The following SLC7A2 variants were observed in gnomAD, a reference collection of about 807,000 sequenced individuals.
SLC7A2 encodes the protein cationic amino acid transporter 2.
Under a neutral mutation model 58.9 loss-of-function variants are expected in SLC7A2, and 48 were observed. That is an observed-to-expected ratio of 0.82 (90% confidence interval 0.65 to 1.04). The LOEUF is 1.04. Ranked by LOEUF, SLC7A2 falls within the 50% of genes least tolerant of loss-of-function variation. SLC7A2 has a pLI of 0.00. For missense variants in SLC7A2, 1,029 were observed against 818.8 expected, an observed-to-expected ratio of 1.26 and a Z score of -3.13; for synonymous variants, 363 against 314.5, an observed-to-expected ratio of 1.15 and a Z score of -1.63.
intron 1 of SLC7A2, among the ~76,000 whole-genome samples, chr8:17,498,234 T>G (rs1800026445): frequency 6.6e-6 from 1 of 152,218 alleles, no homozygotes; most frequent in Non-Finnish European, 1.5e-5. Context: ...TGAGAGGATA[T>G]CGTCAGATCT....
In SLC7A2 at chr8:17,543,614, G is replaced by A. The variant is rs748022960; in HGVS notation, c.275G>A (p.Arg92His). The change falls in exon 3 of 13, where the codon CGT becomes CAT. Residue 92 changes from arginine to histidine, a missense_variant. Arg to His is a conservative substitution (Grantham distance 29, BLOSUM62 0). Transcript: ENST00000494857. ...CTCTGCTATGCCGAATTTGGGGCCCGTGTTCCCAAGACGGGGTCTGCATAT... is the reference window on the plus strand; with the variant it reads ...CTCTGCTATGCCGAATTTGGGGCCCATGTTCCCAAGACGGGGTCTGCATAT... ...AGLCYAEFGA[R>H]VPKTGSAYLY... 1.4e-5 allele frequency: 22 copies of A among 1,600,362 alleles called. No individual in the cohort carries two copies. In the Middle Eastern group the frequency reaches 6.7e-4, roughly 49 times the overall value.
chr8:17,557,385 TG>T (rs1802756869), intron 8 of SLC7A2, among the ~76,000 whole-genome samples: 1 of 152,206 alleles, frequency 6.6e-6, no homozygotes, highest in Non-Finnish European at 1.5e-5. Context: ...CTTAGTATTT[TG>T]GGATTTGGTA....
rs1274428405 is a variant in SLC7A2, at chr8:17,560,357, C to T, written c.1328C>T (p.Pro443Leu). The change falls in exon 10 of 13, where the codon CCC becomes CTC. Residue 443 changes from proline to leucine, a missense_variant. Transcript: ENST00000494857. ...CAGCCTGGCTTATCTTACGACCAGC[C>T]CAAATGTTCTCCTGAGAAAGATGGT... ...RYQPGLSYDQ[P>L]KCSPEKDGLG... 1 of 1,614,002 alleles carries T rather than the reference C, an allele frequency of 6.2e-7. No homozygotes were observed. Among genetic ancestry groups the T allele is most frequent in the Admixed American group, 1.7e-5 (1 of 59,996 alleles).
intron 1 of SLC7A2, among the ~76,000 whole-genome samples, chr8:17,501,384 A>C (rs748818806): frequency 5.8e-4 from 89 of 152,354 alleles, no homozygotes; most frequent in Non-Finnish European, 1.0e-3. Context: ...CCTCACTGGT[A>C]AGTATAATTA....
At chr8:17,538,935 G>A (rs771272353) in intron 2 of SLC7A2, 85 of 1,599,450 alleles carry the variant, frequency 5.3e-5, no homozygotes, top group Admixed American at 2.1e-4. Flanking sequence ...AAGATTTATT[G>A]TCAGGGCCTG....
intron 2 of SLC7A2, among the ~76,000 whole-genome samples, chr8:17,516,787 T>C (rs915100104): frequency 3.3e-5 from 5 of 152,202 alleles, no homozygotes; most frequent in Non-Finnish European, 5.9e-5. Flanking sequence ...AAAAGATGGT[T>C]TAAGCATTCA....
chr8:17,495,334 G>C (rs896301015), upstream of SLC7A2, among the ~76,000 whole-genome samples: 2 of 152,062 alleles, frequency 1.3e-5, no homozygotes, highest in East Asian at 1.9e-4. Flanking sequence ...TCGCTCCCTT[G>C]AACAACGCCT....
In SLC7A2 at chr8:17,560,241, A is replaced by T. The variant is rs1802900825; in HGVS notation, c.1299-87A>T. The stretch of plus-strand genomic sequence containing the variant: ...ACTCTACACACTATCACTCTGTATG[A>T]TGTCTTACTTAAGGTTTTAGGTGCT... On this transcript the variant is annotated intron_variant, in intron 9 of 12. Transcript: ENST00000494857. 2 of 895,976 alleles carry T rather than the reference A, an allele frequency of 2.2e-6. No individual in the cohort carries two copies. Among genetic ancestry groups the T allele is most frequent in the African/African-American group, 3.3e-5 (2 of 60,622 alleles). 55.5% of individuals were successfully genotyped at this position (895,976 alleles called of 1,614,324 possible).
chr8:17,505,730 C>T (rs17632417), intron 2 of SLC7A2, among the ~76,000 whole-genome samples: 55,487 of 151,964 alleles, frequency 0.37, 10,827 homozygotes, highest in East Asian at 0.58. Context: ...AAAATTGGAG[C>T]ATCTTTAGTG....
In SLC7A2 at chr8:17,512,143, C is replaced by A. The variant is rs6586608; in HGVS notation, c.-23+9841C>A. ...TCCTGTGAGCTCTTAGAACGTATAT[C>A]GTATGTCAGGCTTTAATTCGTGTTT... On this transcript the variant is annotated intron_variant, in intron 2 of 12. Transcript: ENST00000494857. Among the ~76,000 whole-genome samples the A allele has an allele frequency of 4.7e-3, 708 of 151,998 alleles. 6 individuals are homozygous for A. The highest frequency in any genetic ancestry group is 0.016 in the African/African-American group (670 of 41,434).
chr8:17,546,718 G>A lies in SLC7A2; in HGVS notation c.533-1960G>A, dbSNP rs894856138. ...TTACACAGGTAGAAATAAAATTCAA[G>A]TTCTTTCATCTCTGCTTGGAAAAAT... On this transcript the variant is annotated intron_variant, in intron 4 of 12. Coordinates refer to ENST00000494857, the MANE Select transcript of SLC7A2 (RefSeq NM_001370338.1). Among the ~76,000 whole-genome samples the A allele has an allele frequency of 2.6e-5, 4 of 152,086 alleles. No individual in the cohort carries two copies. The South Asian group carries it at 6.2e-4, about 24-fold the overall frequency.
chr8:17,548,872 CCTT>C, intron 5 of SLC7A2, 29 bp downstream of exon 5: 5 of 1,558,926 alleles, frequency 3.2e-6, no homozygotes, highest in Non-Finnish European at 4.4e-6. Context: ...TTTTTTTTCT[CCTT>C]CTTGTTTAAG....
intron 10 of SLC7A2, among the ~76,000 whole-genome samples, chr8:17,561,123 G>A (rs1189585607): frequency 1.3e-5 from 2 of 152,106 alleles, no homozygotes; most frequent in Non-Finnish European, 2.9e-5. Flanking sequence ...TCAGAGATGG[G>A]GTGGTGATGT....
chr8:17,558,473 C>A, intron 9 of SLC7A2, 76 bp downstream of exon 9: 1 of 902,368 alleles, frequency 1.1e-6, no homozygotes, highest in Admixed American at 2.2e-5. Context: ...CCCTCACTCT[C>A]CTGGCTTCCA....
intron 1 of SLC7A2, chr8:17,499,212 T>C (rs570263123): frequency 6.6e-6 from 1 of 152,456 alleles, no homozygotes; most frequent in South Asian, 2.1e-4. Flanking sequence ...CCAGAAGTCC[T>C]CTGGCAACTT....
intron 2 of SLC7A2, among the ~76,000 whole-genome samples, chr8:17,530,414 A>AG (rs1228324789): frequency 2.0e-5 from 3 of 152,172 alleles, no homozygotes; most frequent in Non-Finnish European, 4.4e-5. Flanking sequence ...TAAGGGTAGT[A>AG]GGAGGACAAA....
intron 9 of SLC7A2, 115 bp downstream of exon 9, chr8:17,558,512 G>T (rs1202627738): frequency 3.4e-6 from 2 of 584,802 alleles, no homozygotes; most frequent in East Asian, 5.7e-5. Flanking sequence ...CAAGGTGAGA[G>T]GTCACATCTA....
chr8:17,507,401 CG>C (rs544517926), intron 2 of SLC7A2, among the ~76,000 whole-genome samples: 40 of 151,580 alleles, frequency 2.6e-4, no homozygotes, highest in Admixed American at 1.3e-3. Flanking sequence ...TGTGTGGAGA[CG>C]GGGGTCTCAC....
chr8:17,517,955 A>T (rs541766289), intron 2 of SLC7A2, among the ~76,000 whole-genome samples: 25 of 152,214 alleles, frequency 1.6e-4, no homozygotes, highest in African/African-American at 5.1e-4. Context: ...GACTTTGAAA[A>T]GTTTCTTAAC....
Sources: allele counts gnomAD v4.1 joint callset (sites outside exome capture counted in the v4.1 genomes callset), GRCh38; gene constraint gnomAD v4.1.1; transcripts MANE v1.5; gene names NCBI Gene and HGNC (gene_info 2026-07-23, HGNC 2026-07-21).